Variants in COL8A1 observed in about 807,000 individuals in gnomAD.
COL8A1 encodes the protein collagen type VIII alpha 1 chain, also known as collagen alpha-1(VIII) chain.
In COL8A1, 21 loss-of-function variants were observed where a neutral mutation model predicts 42.7. The observed-to-expected ratio is 0.49, with a 90% confidence interval of 0.35 to 0.71. The LOEUF (loss-of-function observed/expected upper bound fraction) is 0.71, where lower values mean the gene tolerates loss of function less well. COL8A1 is among the 30% of genes least tolerant of loss of function. The pLI is 0.01. For missense variants in COL8A1, 788 were observed against 962.4 expected (o/e 0.82, Z 2.40); for synonymous variants, 367 against 369.1 (o/e 0.99, Z 0.06).
intron 1 of COL8A1, among the ~76,000 whole-genome samples, chr3:99,734,637 T>C (rs1275616737): frequency 6.6e-6 from 1 of 152,096 alleles, no homozygotes; most frequent in Non-Finnish European, 1.5e-5. Flanking sequence ...ATGCGGGCTT[T>C]TTTTTGGTTC....
In COL8A1 at chr3:99,794,694, C is replaced by T. The variant is rs767418325; in HGVS notation, c.793C>T (p.Pro265Ser). Residue 265 changes from proline (P) to serine (S), a missense_variant, in exon 4 of 4, where the codon CCT becomes TCT. By Grantham distance (74) the Pro-to-Ser change is moderately conservative. Coordinates refer to ENST00000652472, the MANE Select transcript of COL8A1 (RefSeq NM_020351.4). This position sits in a 1 kb window ranked among gnomAD's most constrained non-coding sequence, Gnocchi z 4.3. ...TCCAGGGATGCACGGCCCTCCCGGC[C>T]CTGTTGGACTGCCAGGAGTGGGCAA... is the stretch of plus-strand genomic sequence containing the variant. ...GPPGMHGPPG[P>S]VGLPGVGKPG... The T allele has an allele frequency of 1.9e-6, 3 of 1,613,258 alleles. No individual in the cohort carries two copies. Among genetic ancestry groups the T allele is most frequent in the Non-Finnish European group, 2.5e-6 (3 of 1,179,686 alleles).
At chr3:99,642,442 C>T (rs1489731467) in intron 1 of COL8A1, among the ~76,000 whole-genome samples, 3 of 152,154 alleles carry the variant, frequency 2.0e-5, no homozygotes, top group Admixed American at 6.5e-5. Flanking sequence ...AAACTGATCA[C>T]AGAGTAATCA....
intron 1 of COL8A1, among the ~76,000 whole-genome samples, chr3:99,709,343 TCCAC>T (rs1559785363): frequency 1.3e-5 from 2 of 152,098 alleles, no homozygotes; most frequent in Admixed American, 1.3e-4. Flanking sequence ...AGTCTCACAC[TCCAC>T]CCTTCCATAG....
At chr3:99,694,734 T>A (rs1261399962) in intron 1 of COL8A1, among the ~76,000 whole-genome samples, 1 of 152,234 alleles carries the variant, frequency 6.6e-6, no homozygotes, top group Non-Finnish European at 1.5e-5. Flanking sequence ...CTTAACCTCT[T>A]CATCTTATAT....
At chr3:99,687,814 T>C (rs1252313037) in intron 1 of COL8A1, among the ~76,000 whole-genome samples, 1 of 152,226 alleles carries the variant, frequency 6.6e-6, no homozygotes, top group African/African-American at 2.4e-5. Context: ...TAATAAATGT[T>C]TATCATTTTG....
chr3:99,733,867 T>C (rs1940609315), intron 1 of COL8A1, among the ~76,000 whole-genome samples: 1 of 152,124 alleles, frequency 6.6e-6, no homozygotes, highest in Admixed American at 6.5e-5. Flanking sequence ...GGTATCTCAA[T>C]GTGGTTTTGA....
Position 99,708,158 on chromosome 3 carries a change from T to A in COL8A1, c.-128-36739T>A, listed in dbSNP as rs907218590. Among the ~76,000 whole-genome samples the A allele has an allele frequency of 3.9e-5, 6 of 152,146 alleles. No homozygotes were observed. In the East Asian group the frequency reaches 1.2e-3, roughly 29 times the overall value. On this transcript the variant is annotated intron_variant, in intron 1 of 3. Coordinates refer to ENST00000652472, the MANE Select transcript of COL8A1 (RefSeq NM_020351.4). ...TGATTTCCCCTCCATTTGAAAAAAA[T>A]TAAGGGAAAATCACAGAGTGTTTAT...
intron 1 of COL8A1, among the ~76,000 whole-genome samples, chr3:99,655,119 C>G (rs543560670): frequency 6.6e-6 from 1 of 152,234 alleles, no homozygotes; most frequent in South Asian, 2.1e-4. Flanking sequence ...GTGAAAACCC[C>G]TTTCTTCCTT....
chr3:99,703,332 A>C (rs1453932834), intron 1 of COL8A1: 1 of 152,252 alleles, frequency 6.6e-6, no homozygotes, highest in African/African-American at 2.4e-5. Context: ...CGGAGAAGTC[A>C]CACAGACGGT....
Position 99,795,805 on chromosome 3 carries a change from T to G in COL8A1, c.1904T>G (p.Phe635Cys). 6.2e-7 allele frequency: 1 copy of G among 1,613,996 alleles called. No homozygotes were observed. The highest frequency in any genetic ancestry group is 8.5e-7 in the Non-Finnish European group (1 of 1,179,980). The change falls in exon 4 of 4, where the codon TTT (phenylalanine) becomes TGT (cysteine). Residue 635 changes from phenylalanine (F) to cysteine (C), a missense_variant. By Grantham distance (205) the Phe-to-Cys change is radical. This residue lies in a region of COL8A1 where 212 missense variants were observed against 210.9 expected (regional missense o/e 1.00). Coordinates refer to ENST00000652472, the MANE Select transcript of COL8A1 (RefSeq NM_020351.4). The part of the protein sequence containing the change: ...PFPPVGAPVK[F>C]NKLLYNGRQN... Reference sequence around the variant, plus strand: ...CCACCGGTGGGGGCCCCAGTGAAGTTTAACAAACTGCTGTATAACGGCAGA... The same window carrying G: ...CCACCGGTGGGGGCCCCAGTGAAGTGTAACAAACTGCTGTATAACGGCAGA...
chr3:99,691,390 C>CT (rs963191190), intron 1 of COL8A1: 1 of 152,082 alleles, frequency 6.6e-6, no homozygotes, highest in Admixed American at 6.5e-5. Context: ...AATCACTTTG[C>CT]TTTTCTAGGA....
In COL8A1 at chr3:99,790,728, A is replaced by G; in HGVS notation, c.46A>G (p.Thr16Ala). ...GPLQLLGVLLTISLSSIRLIQ... is the reference protein window; with the variant it reads ...GPLQLLGVLLAISLSSIRLIQ... Reference sequence around the variant, plus strand: ...TCTGCAGCTGCTGGGAGTGCTGCTTACCATTTCCCTGAGTTCCATCAGGCT... The same window carrying G: ...TCTGCAGCTGCTGGGAGTGCTGCTTGCCATTTCCCTGAGTTCCATCAGGCT... Residue 16 changes from threonine (T) to alanine (A), a missense_variant, in exon 3 of 4, where the codon ACC becomes GCC. Coordinates refer to ENST00000652472, the MANE Select transcript of COL8A1 (RefSeq NM_020351.4). 6.2e-7 allele frequency: 1 copy of G among 1,614,158 alleles called. No homozygotes were observed. Among genetic ancestry groups the G allele is most frequent in the South Asian group, 1.1e-5 (1 of 91,080 alleles).
At chr3:99,731,434 G>T (rs997781005) in intron 1 of COL8A1, among the ~76,000 whole-genome samples, 1 of 152,056 alleles carries the variant, frequency 6.6e-6, no homozygotes, top group African/African-American at 2.4e-5. Flanking sequence ...CCAGGGTGGA[G>T]GATAAGAAGG....
At chr3:99,738,887 G>A (rs537411844) in intron 1 of COL8A1, among the ~76,000 whole-genome samples, 8 of 152,260 alleles carry the variant, frequency 5.3e-5, no homozygotes, top group Admixed American at 1.3e-4. Context: ...TTCCGTGGGC[G>A]TAGGACCCTC....
chr3:99,758,270 T>C (rs1015718758), intron 2 of COL8A1, among the ~76,000 whole-genome samples: 35 of 152,264 alleles, frequency 2.3e-4, no homozygotes, highest in Non-Finnish European at 2.6e-4. Flanking sequence ...ACCTTTTTTT[T>C]CTTTGTCAGG....
chr3:99,750,385 G>C (rs185438422), intron 2 of COL8A1, among the ~76,000 whole-genome samples: 406 of 151,898 alleles, frequency 2.7e-3, no homozygotes, highest in Admixed American at 4.9e-3. Flanking sequence ...TGTTTACCTA[G>C]AATTAAATAA....
intron 1 of COL8A1, among the ~76,000 whole-genome samples, chr3:99,719,889 C>T (rs758007936): frequency 3.3e-5 from 5 of 152,040 alleles, no homozygotes; most frequent in South Asian, 2.1e-4. Context: ...ACATGGGCTT[C>T]GGAATGATCA....
chr3:99,703,929 T>C (rs1460282059), intron 1 of COL8A1, among the ~76,000 whole-genome samples: 1 of 152,244 alleles, frequency 6.6e-6, no homozygotes, highest in Non-Finnish European at 1.5e-5. Flanking sequence ...TATGGTTTTT[T>C]TTAATTCAAT....
At chr3:99,663,083 G>C (rs1369499362) in intron 1 of COL8A1, among the ~76,000 whole-genome samples, 2 of 152,152 alleles carry the variant, frequency 1.3e-5, no homozygotes, top group African/African-American at 4.8e-5. Context: ...TGCTTATAGA[G>C]AATGACTAAG....
Sources: gnomAD v4.1 joint callset for allele counts (sites outside exome capture counted in the v4.1 genomes callset) on GRCh38, gnomAD v4.1.1 for gene constraint, gnomAD v4.1.1 regional missense constraint, Gnocchi (gnomAD v3.1) non-coding constraint, MANE v1.5 for transcripts, NCBI Gene and HGNC (gene_info 2026-07-23, HGNC 2026-07-21) for gene names.